Variants in SERAC1 observed in about 807,000 individuals in gnomAD.
SERAC1 encodes the protein serine active site containing 1.
Under a neutral mutation model 85.7 loss-of-function variants are expected in SERAC1, and 36 were observed. The ratio of observed to expected loss-of-function variants is 0.42; its 90% CI spans 0.32 to 0.55. The LOEUF is 0.55. Ranked by LOEUF, SERAC1 falls within the 20% of genes least tolerant of loss-of-function variation. The pLI is 0.11. For synonymous variants in SERAC1, 242 were observed against 265.3 expected, an observed-to-expected ratio of 0.91 and a Z score of 0.85; for missense variants, 629 against 796.2, an observed-to-expected ratio of 0.79 and a Z score of 2.53.
intron 7 of SERAC1, among the ~76,000 whole-genome samples, chr6:158,143,537 T>C (rs901532800): frequency 1.3e-5 from 2 of 152,104 alleles, no homozygotes; most frequent in African/African-American, 4.8e-5. Flanking sequence ...GACAGACCTA[T>C]TGTAAACTTT....
rs758484265 is a variant in SERAC1 at position 158,119,178 on chromosome 6, G to A, written c.1167-8C>T. On this transcript the variant is annotated splice_polypyrimidine_tract_variant and splice_region_variant and intron_variant, in intron 11 of 16. Coordinates refer to ENST00000647468, the MANE Select transcript of SERAC1 (RefSeq NM_032861.4). This position sits in a 1 kb window ranked among gnomAD's most constrained non-coding sequence, Gnocchi z 4.5. Reference sequence around the variant, plus strand: ...TCTGCTTTAATGGGCTGACTAATAGGGGAGAGAGTTTTAAAAAGAAGCAGA... The same window carrying A: ...TCTGCTTTAATGGGCTGACTAATAGAGGAGAGAGTTTTAAAAAGAAGCAGA... The A allele has an allele frequency of 2.5e-6, 4 of 1,603,658 alleles. No homozygotes were observed. Among genetic ancestry groups the A allele is most frequent in the Non-Finnish European group, 3.4e-6 (4 of 1,174,310 alleles).
intron 10 of SERAC1, among the ~76,000 whole-genome samples, chr6:158,127,359 C>T (rs1277166917): frequency 2.2e-4 from 7 of 31,654 alleles, no homozygotes; most frequent in African/African-American, 8.7e-4. Context: ...GCCGCCCCGT[C>T]CGGGAGGGAG....
At chr6:158,132,265 T>C (rs1784695489) in intron 8 of SERAC1, among the ~76,000 whole-genome samples, 1 of 152,230 alleles carries the variant, frequency 6.6e-6, no homozygotes, top group Non-Finnish European at 1.5e-5. Context: ...ATAAGGTCCA[T>C]GGTTCAGTAA....
At position 158,119,846 on chromosome 6, in the gene SERAC1, TA is replaced by T. The variant is rs1377376949; in HGVS notation, c.1166+578del. Among the ~76,000 whole-genome samples the T allele has an allele frequency of 6.6e-6, 1 of 152,226 alleles. No individual in the cohort carries two copies. The highest frequency in any genetic ancestry group is 2.4e-5 in the African/African-American group (1 of 41,456). ...GCCCTAAGAAAACCAAGAAATATGTTATTTTTTCAGTGTGGTCCCTTCTATA... is the reference window on the plus strand; with the variant it reads ...GCCCTAAGAAAACCAAGAAATATGTTTTTTTTCAGTGTGGTCCCTTCTATA... On this transcript the variant is annotated intron_variant, in intron 11 of 16. Coordinates refer to ENST00000647468, the MANE Select transcript of SERAC1 (RefSeq NM_032861.4). This position sits in a 1 kb window ranked among gnomAD's most constrained non-coding sequence, Gnocchi z 4.5.
chr6:158,156,855 AATAAATATTAATATATTTATATAG>A (rs1562459704), intron 2 of SERAC1, among the ~76,000 whole-genome samples: 9 of 84,248 alleles, frequency 1.1e-4, no homozygotes, highest in Admixed American at 3.8e-4. Context: ...TTTTATATAT[AATAAATATTAATATATTTATATAG>A]ATATTAATAT....
At position 158,119,989 on chromosome 6, in the gene SERAC1, T is replaced by C. The variant is rs1784382081; in HGVS notation, c.1166+436A>G. On this transcript the variant is annotated intron_variant, in intron 11 of 16. Coordinates refer to ENST00000647468, the MANE Select transcript of SERAC1 (RefSeq NM_032861.4). This position sits in a 1 kb window ranked among gnomAD's most constrained non-coding sequence, Gnocchi z 4.5. ...CTAATGCATCCTTTTATAACTAGCA[T>C]AAACTTTCTCCAGTCCCTTGAGTTC... 6.6e-6 allele frequency among the ~76,000 whole-genome samples: 1 copy of C among 152,218 alleles called. No individual in the cohort carries two copies. Among genetic ancestry groups the C allele is most frequent in the Non-Finnish European group, 1.5e-5 (1 of 68,042 alleles).
chr6:158,111,070 T>C lies in SERAC1; in HGVS notation c.*296A>G. The C allele has an allele frequency of 5.0e-6, 1 of 201,926 alleles. No homozygotes were observed. The highest frequency in any genetic ancestry group is 1.0e-5 in the Non-Finnish European group (1 of 100,066). 12.5% of individuals were successfully genotyped at this position (201,926 alleles called of 1,614,324 possible). ...GTCACAGATGGGAAAGGACACTCTC[T>C]CACAGCAGCTTTGCTCCAGTCACCA... On this transcript the variant is annotated 3_prime_UTR_variant, in exon 17 of 17. Coordinates refer to ENST00000647468, the MANE Select transcript of SERAC1 (RefSeq NM_032861.4).
At position 158,148,884 on chromosome 6, in the gene SERAC1, T is replaced by C. The variant is rs1481831224; in HGVS notation, c.336A>G (p.Ile112Met). The C allele has an allele frequency of 6.2e-7, 1 of 1,611,728 alleles. No homozygotes were observed. The highest frequency in any genetic ancestry group is 8.5e-7 in the Non-Finnish European group (1 of 1,178,910). ...VRKVLATSAK[I>M]LRNPFADPFS... ...ATTTACCAGCAAATGGATTCCGCAG[T>C]ATCTTGGCTGATGTTGCCAATACTT... The change falls in exon 5 of 17, where the codon ATA becomes ATG. Residue 112 changes from isoleucine to methionine, a missense_variant. By Grantham distance (10) the Ile-to-Met change is conservative. Transcript: ENST00000647468.
At chr6:158,143,237 CA>C (rs1265008839) in intron 7 of SERAC1, 53 bp from the exon 8 acceptor site, 4 of 1,566,228 alleles carry the variant, frequency 2.6e-6, no homozygotes, top group Non-Finnish European at 3.5e-6. Context: ...CTGAGTACAA[CA>C]AAAAATATCC....
In SERAC1 at chr6:158,128,262, T is replaced by G; in HGVS notation, c.861A>C (p.Thr287=). The part of the protein sequence containing the change: ...EAIVKHSEIS[T]HCDKIEANGG... ...CATTTGCTTCGATTTTATCACAATG[T>G]GTGGATATCTGGCACAATAAATAAA... Residue 287 remains threonine (T), a synonymous_variant, in exon 10 of 17, where the codon ACA becomes ACC. Transcript: ENST00000647468. 6.2e-7 allele frequency: 1 copy of G among 1,613,544 alleles called. No individual in the cohort carries two copies. The highest frequency in any genetic ancestry group is 8.5e-7 in the Non-Finnish European group (1 of 1,179,830).
At chr6:158,136,468 G>A (rs900361534) in intron 8 of SERAC1, among the ~76,000 whole-genome samples, 2 of 152,110 alleles carry the variant, frequency 1.3e-5, no homozygotes, top group African/African-American at 2.4e-5. Flanking sequence ...GCTGACAGTC[G>A]CCTCTGTACG....
In SERAC1 at chr6:158,150,539, G is replaced by A. The variant is rs1254977598; in HGVS notation, c.179C>T (p.Thr60Ile). Residue 60 changes from threonine to isoleucine, a missense_variant, in exon 4 of 17, where the codon ACA becomes ATA. Thr to Ile is a moderately conservative substitution (Grantham distance 89). Coordinates refer to ENST00000647468, the MANE Select transcript of SERAC1 (RefSeq NM_032861.4). ...YEVLALKKAV[T>I]LDTQVVEREK... ...TCGTTCTACCACTTGAGTATCTAAT[G>A]TCACAGCCTTCTTCAGGGCCAGAAC... is the stretch of plus-strand genomic sequence containing the variant. The A allele has an allele frequency of 1.9e-6, 3 of 1,600,940 alleles. No individual in the cohort carries two copies. In the African/African-American group the frequency reaches 4.0e-5, roughly 21 times the overall value.
At chr6:158,135,941 C>T (rs1454289482) in intron 8 of SERAC1, among the ~76,000 whole-genome samples, 1 of 152,142 alleles carries the variant, frequency 6.6e-6, no homozygotes, top group Non-Finnish European at 1.5e-5. Context: ...TCCCAGGTAG[C>T]TGGGACTACA....
At chr6:158,158,131 G>A in intron 2 of SERAC1, 142 bp downstream of exon 2, 1 of 522,186 alleles carries the variant, frequency 1.9e-6, no homozygotes, top group South Asian at 3.2e-5. Context: ...ATAAATTTGG[G>A]GTGAACTATT....
intron 3 of SERAC1, 93 bp from the exon 4 acceptor site, chr6:158,150,682 C>CT (rs1186459896): frequency 9.9e-6 from 9 of 904,580 alleles, no homozygotes; most frequent in Non-Finnish European, 1.4e-5. Context: ...TAGTAAACTT[C>CT]TTTTTTGTTG....
At chr6:158,143,290 A>G (rs1784962235) in intron 7 of SERAC1, 106 bp from the exon 8 acceptor site, 1 of 1,289,744 alleles carries the variant, frequency 7.8e-7, no homozygotes, top group East Asian at 2.4e-5. Context: ...TCAAAGCCAT[A>G]TATTATGTGT....
At position 158,149,085 on chromosome 6, in the gene SERAC1, G is replaced by A. The variant is rs562980750; in HGVS notation, c.266-131C>T. ...GCTCACTGCAAGCTCTGCCTCCCGG[G>A]TTCACCCCATTCTCCTGCTTCACAG... On this transcript the variant is annotated intron_variant, in intron 4 of 16. Coordinates refer to ENST00000647468, the MANE Select transcript of SERAC1 (RefSeq NM_032861.4). 1.8e-5 allele frequency: 11 copies of A among 603,918 alleles called. No homozygotes were observed. The Admixed American group carries it at 2.2e-4, about 12-fold the overall frequency. The allele number at this position is 603,918 out of a possible 1,614,324, so 37.4% of individuals were successfully genotyped here.
chr6:158,121,846 T>C (rs1784429473), intron 10 of SERAC1, among the ~76,000 whole-genome samples: 2 of 152,244 alleles, frequency 1.3e-5, no homozygotes, highest in African/African-American at 2.4e-5. Flanking sequence ...TCTGGCTTTT[T>C]TCAGTTGACA....
At chr6:158,158,460 C>T in intron 1 of SERAC1, 96 bp from the exon 2 acceptor site, 1 of 843,418 alleles carries the variant, frequency 1.2e-6, no homozygotes, top group Admixed American at 2.6e-5. Flanking sequence ...CAGTGGATGA[C>T]CCACAGAGTT....
Sources: gnomAD v4.1 joint callset for allele counts (sites outside exome capture counted in the v4.1 genomes callset) on GRCh38, gnomAD v4.1.1 for gene constraint, Gnocchi (gnomAD v3.1) non-coding constraint, MANE v1.5 for transcripts, NCBI Gene and HGNC (gene_info 2026-07-23, HGNC 2026-07-21) for gene names.